SPATA9: variants seen among roughly 807,000 people sequenced by gnomAD.
SPATA9 encodes the protein spermatogenesis-associated protein 9.
In SPATA9, 27 loss-of-function variants were observed where a neutral mutation model predicts 25.5. The observed-to-expected ratio is 1.06, with a 90% CI of 0.78 to 1.46. The LOEUF (loss-of-function observed/expected upper bound fraction) is 1.46. Among genes scored for constraint, SPATA9 ranks in the 40% most tolerant of loss-of-function variants. SPATA9 has a pLI of 0.00. For synonymous variants in SPATA9, 102 were observed against 105.7 expected, an observed-to-expected ratio of 0.97 and a Z score of 0.21; for missense variants, 282 against 297.5, an observed-to-expected ratio of 0.95 and a Z score of 0.38.
chr5:95,680,099 C>T (rs187084450), intron 2 of SPATA9, among the ~76,000 whole-genome samples: 5 of 152,260 alleles, frequency 3.3e-5, no homozygotes, highest in African/African-American at 4.8e-5. Context: ...GGGGTTTCAC[C>T]GTGTTAGCCA....
chr5:95,726,639 A>G, the SPATA9 span, among the ~76,000 whole-genome samples: 9 of 152,308 alleles, frequency 5.9e-5, no homozygotes, highest in East Asian at 3.9e-4. Flanking sequence ...TTACCTTGCA[A>G]TGTGGCTCCC....
chr5:95,700,978 A>G (rs1754169212), upstream of SPATA9, among the ~76,000 whole-genome samples: 1 of 152,188 alleles, frequency 6.6e-6, no homozygotes. Context: ...AATTTGAAAA[A>G]ACAAATTTTG....
At chr5:95,680,046 C>T (rs371249411) in intron 2 of SPATA9, among the ~76,000 whole-genome samples, 3 of 152,304 alleles carry the variant, frequency 2.0e-5, no homozygotes, top group East Asian at 1.9e-4. Flanking sequence ...TACAGGCGCC[C>T]GCCACATTGC....
At chr5:95,669,759 G>A (rs1180171862) in intron 3 of SPATA9, among the ~76,000 whole-genome samples, 1 of 152,142 alleles carries the variant, frequency 6.6e-6, no homozygotes, top group Non-Finnish European at 1.5e-5. Flanking sequence ...AGCAGCTGCG[G>A]ACTCAACTCA....
chr5:95,729,210 G>C, the SPATA9 span, among the ~76,000 whole-genome samples: 392 of 152,228 alleles, frequency 2.6e-3, 2 homozygotes, highest in African/African-American at 9.2e-3. Context: ...TTATGGACTT[G>C]CCCTGAATTC....
intron 2 of SPATA9, among the ~76,000 whole-genome samples, chr5:95,679,927 T>C (rs1753283477): frequency 6.6e-6 from 1 of 152,256 alleles, no homozygotes; most frequent in South Asian, 2.1e-4. Context: ...AGACGGAATC[T>C]CGCTCTGTCG....
the SPATA9 span, among the ~76,000 whole-genome samples, chr5:95,714,736 CA>C: frequency 0.12 from 16,341 of 137,794 alleles, 1,416 homozygotes; most frequent in African/African-American, 0.27. Context: ...AAATCAATTT[CA>C]AAAAAAAAAA....
At chr5:95,708,858 G>A in the SPATA9 span, 1 of 521,316 alleles carries the variant, frequency 1.9e-6, no homozygotes, top group South Asian at 2.3e-5. Context: ...AGGTGAGGAG[G>A]AAGGAGTAGG....
At chr5:95,700,664 C>T (rs377341367), upstream of SPATA9, among the ~76,000 whole-genome samples, 2 of 152,004 alleles carry the variant, frequency 1.3e-5, no homozygotes, top group Non-Finnish European at 1.5e-5. Flanking sequence ...CTGGCCTCAG[C>T]GATCTGCCCA....
At chr5:95,708,782 A>G in the SPATA9 span, 1 of 608,716 alleles carries the variant, frequency 1.6e-6, no homozygotes, top group African/African-American at 1.8e-5. Context: ...TCGACTGCAA[A>G]GGTGACTTCC....
intron 3 of SPATA9, among the ~76,000 whole-genome samples, chr5:95,669,184 A>T (rs1752110211): frequency 6.6e-6 from 1 of 152,234 alleles, no homozygotes; most frequent in African/African-American, 2.4e-5. Flanking sequence ...ACAAGCTTTT[A>T]ATCCGGTGGT....
chr5:95,710,767 C>A, the SPATA9 span, among the ~76,000 whole-genome samples: 1 of 152,334 alleles, frequency 6.6e-6, no homozygotes, highest in East Asian at 1.9e-4. Context: ...ATAGCCGCCA[C>A]TAAGATTTTT....
At chr5:95,689,297 T>G (rs1040568592) in intron 1 of SPATA9, among the ~76,000 whole-genome samples, 1 of 152,200 alleles carries the variant, frequency 6.6e-6, no homozygotes, top group Non-Finnish European at 1.5e-5. Context: ...TTATTGTACA[T>G]CTCTGAGACT....
chr5:95,672,992 A>G (rs1013045835), intron 3 of SPATA9, among the ~76,000 whole-genome samples: 8 of 152,208 alleles, frequency 5.3e-5, no homozygotes, highest in Non-Finnish European at 8.8e-5. Flanking sequence ...CTAGAGAGAC[A>G]TGTACCTCCC....
At chr5:95,688,383 GC>G (rs1235164785) in intron 1 of SPATA9, among the ~76,000 whole-genome samples, 1 of 152,142 alleles carries the variant, frequency 6.6e-6, no homozygotes, top group East Asian at 1.9e-4. Context: ...CTCCTAAGTA[GC>G]TAACTACAGG....
the SPATA9 span, among the ~76,000 whole-genome samples, chr5:95,718,769 C>T: frequency 2.0e-5 from 3 of 152,124 alleles, no homozygotes; most frequent in Non-Finnish European, 2.9e-5. Flanking sequence ...TGAGAACAGA[C>T]AAGAGATGCA....
chr5:95,671,512 C>T (rs1752370181), intron 3 of SPATA9, among the ~76,000 whole-genome samples: 1 of 152,118 alleles, frequency 6.6e-6, no homozygotes, highest in South Asian at 2.1e-4. Context: ...AGGGTTCAAG[C>T]GATTCTCCTG....
chr5:95,724,177 T>C, the SPATA9 span, among the ~76,000 whole-genome samples: 1 of 152,238 alleles, frequency 6.6e-6, no homozygotes, highest in South Asian at 2.1e-4. Flanking sequence ...TCTGGTTTTA[T>C]GATTAGTTTA....
the SPATA9 span, chr5:95,731,662 C>T: frequency 5.0e-6 from 8 of 1,613,172 alleles, no homozygotes; most frequent in East Asian, 1.6e-4. Context: ...GAGTCGCCGC[C>T]CTGCCCTTGG....
Sources: allele counts gnomAD v4.1 joint callset (sites outside exome capture counted in the v4.1 genomes callset), GRCh38; gene constraint gnomAD v4.1.1; transcripts MANE v1.5; gene names NCBI Gene and HGNC (gene_info 2026-07-23, HGNC 2026-07-21).